Variants in GRID2 observed in about 807,000 individuals in gnomAD.
GRID2 encodes the protein glutamate receptor ionotropic, delta-2.
GRID2 carries 33 observed loss-of-function variants against 114.8 expected under a neutral mutation model. The ratio of observed to expected loss-of-function variants is 0.29; its 90% CI spans 0.22 to 0.38. GRID2 has a LOEUF of 0.38. Among genes scored for constraint, GRID2 ranks in the 10% least tolerant of loss-of-function variants. The probability of loss-of-function intolerance (pLI) is 1.00; values close to 1 mark genes in which losing one functional copy is unlikely to be tolerated. For synonymous variants in GRID2, 505 were observed against 449.9 expected (o/e 1.12, Z -1.55); for missense variants, 1,184 against 1,257.7 (o/e 0.94, Z 0.89).
intron 1 of GRID2, among the ~76,000 whole-genome samples, chr4:92,425,732 A>G (rs577179027): frequency 1.3e-5 from 2 of 152,188 alleles, no homozygotes; most frequent in Non-Finnish European, 2.9e-5. Flanking sequence ...AAATTCTGGC[A>G]CCATTATGTC....
intron 1 of GRID2, among the ~76,000 whole-genome samples, chr4:93,804,077 G>A (rs1410586961): frequency 6.6e-6 from 1 of 152,150 alleles, no homozygotes; most frequent in Non-Finnish European, 1.5e-5. Flanking sequence ...TTACAAGCCA[G>A]CCTGAAGGTC....
At chr4:92,893,515 C>T (rs770712315) in intron 2 of GRID2, among the ~76,000 whole-genome samples, 4 of 152,092 alleles carry the variant, frequency 2.6e-5, no homozygotes, top group Non-Finnish European at 5.9e-5. Context: ...GTGTTCTCAC[C>T]TGCAAGATGA....
chr4:93,571,009 T>A (rs1010724155), intron 13 of GRID2, among the ~76,000 whole-genome samples: 11 of 152,286 alleles, frequency 7.2e-5, no homozygotes, highest in Non-Finnish European at 1.5e-4. Context: ...TTAACAGCTA[T>A]TTATAAAACA....
intron 2 of GRID2, among the ~76,000 whole-genome samples, chr4:93,072,327 C>T (rs1196224253): frequency 6.6e-6 from 1 of 152,118 alleles, no homozygotes; most frequent in Non-Finnish European, 1.5e-5. Context: ...TTACTGTCTT[C>T]CACACAGGCT....
chr4:93,120,068 A>G (rs1733637492), intron 4 of GRID2, among the ~76,000 whole-genome samples: 1 of 152,222 alleles, frequency 6.6e-6, no homozygotes, highest in Non-Finnish European at 1.5e-5. Flanking sequence ...GCCAGTTAGA[A>G]TGGCGATCAT....
chr4:92,456,496 C>T (rs777659727), intron 1 of GRID2, among the ~76,000 whole-genome samples: 25 of 152,000 alleles, frequency 1.6e-4, no homozygotes, highest in South Asian at 4.1e-4. Context: ...AAATTCAAAC[C>T]TACAGTGTTG....
intron 14 of GRID2, among the ~76,000 whole-genome samples, chr4:93,681,465 T>A (rs2110091991): frequency 6.6e-6 from 1 of 151,628 alleles, no homozygotes; most frequent in South Asian, 2.1e-4. Flanking sequence ...AGAGCCCGCA[T>A]TGCCAAGTCA....
chr4:92,548,419 T>TTTTTC (rs1726391493), intron 1 of GRID2, among the ~76,000 whole-genome samples: 1 of 144,482 alleles, frequency 6.9e-6, no homozygotes, highest in Non-Finnish European at 1.5e-5. Flanking sequence ...TTTTTTTTTT[T>TTTTTC]GAGACAGAGT....
At chr4:93,009,708 GC>G (rs969180083) in intron 2 of GRID2, among the ~76,000 whole-genome samples, 41 of 152,142 alleles carry the variant, frequency 2.7e-4, no homozygotes, top group African/African-American at 9.6e-4. Flanking sequence ...GCCCTTAGCA[GC>G]TAGAAGTGGA....
At chr4:93,083,669 C>A (rs554629465) in intron 2 of GRID2, among the ~76,000 whole-genome samples, 1 of 130,390 alleles carries the variant, frequency 7.7e-6, no homozygotes. Flanking sequence ...GCACTCCAGT[C>A]TGGGCAACAG....
intron 8 of GRID2, among the ~76,000 whole-genome samples, chr4:93,278,992 G>C (rs377254532): frequency 5.9e-5 from 9 of 151,424 alleles, no homozygotes; most frequent in Non-Finnish European, 1.3e-4. Flanking sequence ...TCCACTCATT[G>C]TTTTAACAAC....
intron 2 of GRID2, among the ~76,000 whole-genome samples, chr4:92,657,427 A>T (rs1732297655): frequency 6.6e-6 from 1 of 151,680 alleles, no homozygotes. Flanking sequence ...TACACCAAAT[A>T]TGCGTATACT....
At chr4:93,559,432 A>G (rs560506689) in intron 13 of GRID2, among the ~76,000 whole-genome samples, 2 of 152,358 alleles carry the variant, frequency 1.3e-5, no homozygotes, top group East Asian at 3.9e-4. Flanking sequence ...ATGAACAGAC[A>G]CTTCTCAAAA....
At chr4:92,739,484 G>A (rs1736765628) in intron 2 of GRID2, among the ~76,000 whole-genome samples, 1 of 151,574 alleles carries the variant, frequency 6.6e-6, no homozygotes, top group Non-Finnish European at 1.5e-5. Flanking sequence ...GGCTGTCTTT[G>A]AAAACTTTTA....
At chr4:93,327,243 G>T (rs1463346995) in intron 8 of GRID2, among the ~76,000 whole-genome samples, 1 of 152,134 alleles carries the variant, frequency 6.6e-6, no homozygotes, top group Non-Finnish European at 1.5e-5. Context: ...AAGACTGCAT[G>T]ATATTCCTTC....
At chr4:93,429,228 C>G (rs1222768636) in intron 10 of GRID2, among the ~76,000 whole-genome samples, 4 of 152,116 alleles carry the variant, frequency 2.6e-5, no homozygotes. Context: ...GGCAAAGGAG[C>G]CTGGGAAATC....
chr4:93,393,053 T>C (rs1021916143), intron 8 of GRID2, among the ~76,000 whole-genome samples: 5 of 151,976 alleles, frequency 3.3e-5, no homozygotes, highest in African/African-American at 9.7e-5. Flanking sequence ...AAGTATTATT[T>C]TATTTCCTTA....
chr4:92,355,432 G>T (rs1456897010), intron 1 of GRID2, among the ~76,000 whole-genome samples: 2 of 151,774 alleles, frequency 1.3e-5, no homozygotes, highest in South Asian at 2.1e-4. Context: ...TTTTTATGAA[G>T]TAAATATTTA....
chr4:92,860,433 A>G (rs1377046427), intron 2 of GRID2, among the ~76,000 whole-genome samples: 1 of 152,156 alleles, frequency 6.6e-6, no homozygotes, highest in African/African-American at 2.4e-5. Context: ...ATGATTTGTG[A>G]AAGTGCTTGG....
Sources: gnomAD v4.1 joint callset for allele counts (sites outside exome capture counted in the v4.1 genomes callset) on GRCh38, gnomAD v4.1.1 for gene constraint, MANE v1.5 for transcripts, NCBI Gene and HGNC (gene_info 2026-07-23, HGNC 2026-07-21) for gene names.